WWC1: variants seen among roughly 807,000 people sequenced by gnomAD.
WWC1 encodes WW and C2 domain containing 1.
A neutral mutation model predicts 138.4 loss-of-function variants in WWC1; 55 were observed. The observed-to-expected ratio is 0.40, with a 90% CI of 0.32 to 0.50. WWC1 has a LOEUF of 0.50. Ranked by LOEUF, WWC1 falls within the 20% of genes least tolerant of loss-of-function variation. The pLI, the probability that WWC1 is intolerant of heterozygous loss-of-function variation, is 0.72. For missense variants in WWC1, 1,226 were observed against 1,420.4 expected, an observed-to-expected ratio of 0.86 and a Z score of 2.20; for synonymous variants, 524 against 564.9, an observed-to-expected ratio of 0.93 and a Z score of 1.03.
At chr5:168,394,451 G>T (rs1350573168) in intron 3 of WWC1, among the ~76,000 whole-genome samples, 1 of 152,176 alleles carries the variant, frequency 6.6e-6, no homozygotes, top group African/African-American at 2.4e-5. Flanking sequence ...GCGGGGCCGG[G>T]CGTGGTGGCT....
chr5:168,372,053 TTGTGTGTGTGTGTGTGTG>T lies in WWC1; in HGVS notation c.229+544_229+561del, dbSNP rs10595228. Reference sequence around the variant, plus strand: ...AGAGAGAGAGAGAGAAAGAGTGTGTTTGTGTGTGTGTGTGTGTGTGTGTGTGTGTGTGTGTGTGTGTCT... The same window carrying T: ...AGAGAGAGAGAGAGAAAGAGTGTGTTTGTGTGTGTGTGTGTGTGTGTGTCT... On this transcript the variant is annotated intron_variant, in intron 2 of 22. Coordinates refer to ENST00000265293, the MANE Select transcript of WWC1 (RefSeq NM_015238.3). 3.6e-3 allele frequency among the ~76,000 whole-genome samples: 510 copies of T among 141,362 alleles called. 5 individuals carry two copies. The highest frequency in any genetic ancestry group is 0.012 in the East Asian group (58 of 4,720). 92.7% of individuals were successfully genotyped at this position (141,362 alleles called of 152,430 possible). A position where few individuals can be genotyped will look rare whatever the true frequency, so the allele number is the denominator to read the frequency against.
Position 168,385,214 on chromosome 5 carries a change from C to T in WWC1, c.233C>T (p.Thr78Ile). Reference protein sequence around the residue: ...GDYFIDHNTKTTQIEDPRVQW... With the variant: ...GDYFIDHNTKITQIEDPRVQW... ...GAATCTCTGGGGTCTGTTCCAGAAA[C>T]CACTCAGATTGAGGATCCTCGAGTA... Residue 78 changes from threonine to isoleucine, a missense_variant, in exon 3 of 23, where the codon ACC (threonine) becomes ATC (isoleucine). Around this residue, in one of 3 missense-constraint regions of WWC1, gnomAD observed 1,016 missense variants for 1,153.9 expected, o/e 0.88. Transcript: ENST00000265293. The T allele has an allele frequency of 6.2e-7, 1 of 1,614,102 alleles. No homozygotes were observed. Among genetic ancestry groups the T allele is most frequent in the Non-Finnish European group, 8.5e-7 (1 of 1,179,982 alleles).
intron 1 of WWC1, among the ~76,000 whole-genome samples, chr5:168,312,561 T>C (rs1180070874): frequency 6.6e-6 from 1 of 152,238 alleles, no homozygotes; most frequent in Non-Finnish European, 1.5e-5. Context: ...ATAAATGCTT[T>C]AAAATGTTAA....
chr5:168,305,531 T>G (rs1369933973), intron 1 of WWC1, among the ~76,000 whole-genome samples: 1 of 152,190 alleles, frequency 6.6e-6, no homozygotes, highest in Non-Finnish European at 1.5e-5. Flanking sequence ...TAGAAGCACA[T>G]TAAGCCAGGG....
chr5:168,402,856 T>C (rs1779408893), intron 5 of WWC1, among the ~76,000 whole-genome samples: 1 of 152,114 alleles, frequency 6.6e-6, no homozygotes, highest in Admixed American at 6.5e-5. Flanking sequence ...AGGGATGCTA[T>C]CCAGTCACTT....
chr5:168,373,453 TGGGGG>T (rs1561673654), intron 2 of WWC1, among the ~76,000 whole-genome samples: 1 of 151,980 alleles, frequency 6.6e-6, no homozygotes, highest in African/African-American at 2.4e-5. Context: ...TGGTTGGATG[TGGGGG>T]ACCACCTCAG....
intron 16 of WWC1, 26 bp from the exon 17 acceptor site, chr5:168,444,468 T>C (rs1755054989): frequency 6.4e-7 from 1 of 1,552,130 alleles, no homozygotes; most frequent in Non-Finnish European, 8.7e-7. Flanking sequence ...TTGTACCCAA[T>C]GACCCAGCAA....
intron 10 of WWC1, 30 bp from the exon 11 acceptor site, chr5:168,423,503 C>T: frequency 1.9e-6 from 3 of 1,585,758 alleles, no homozygotes; most frequent in Non-Finnish European, 2.6e-6. Flanking sequence ...CTGTGTGCAT[C>T]TCACTGTCCT....
intron 20 of WWC1, 150 bp downstream of exon 20, chr5:168,460,892 A>G (rs1756746487): frequency 1.3e-6 from 1 of 775,094 alleles, no homozygotes; most frequent in Non-Finnish European, 2.1e-6. Flanking sequence ...TTGCGAACAG[A>G]TGTTTGTGAA....
At chr5:168,435,012 G>A (rs935738712) in intron 15 of WWC1, among the ~76,000 whole-genome samples, 4 of 152,224 alleles carry the variant, frequency 2.6e-5, no homozygotes, top group Middle Eastern at 3.4e-3. Flanking sequence ...AAAAAAAAAT[G>A]CACACAACCA....
At chr5:168,389,601 T>G (rs1215170511) in intron 3 of WWC1, among the ~76,000 whole-genome samples, 4 of 22,622 alleles carry the variant, frequency 1.8e-4, no homozygotes, top group South Asian at 2.3e-3. Flanking sequence ...ATTTTTGTTT[T>G]TTTTTTTTTT....
At chr5:168,455,668 A>C in intron 19 of WWC1, 148 bp downstream of exon 19, 1 of 980,562 alleles carries the variant, frequency 1.0e-6, no homozygotes, top group Non-Finnish European at 1.5e-6. Context: ...GGTGGAGTTC[A>C]CGGGCCTACT....
chr5:168,370,102 T>C (rs368148523), intron 1 of WWC1, among the ~76,000 whole-genome samples: 5 of 151,884 alleles, frequency 3.3e-5, no homozygotes, highest in African/African-American at 1.2e-4. Flanking sequence ...TTTCACCACA[T>C]TGAGCAGGCT....
chr5:168,458,091 C>T (rs1202202233), intron 19 of WWC1, among the ~76,000 whole-genome samples: 3 of 152,196 alleles, frequency 2.0e-5, no homozygotes, highest in Non-Finnish European at 4.4e-5. Flanking sequence ...TTGTTTCCCA[C>T]CAAGTCATAA....
At chr5:168,373,723 A>G (rs1195546070) in intron 2 of WWC1, among the ~76,000 whole-genome samples, 2 of 31,150 alleles carry the variant, frequency 6.4e-5, no homozygotes, top group South Asian at 2.8e-3. Flanking sequence ...GTCTCTTAAA[A>G]AAAAAAAAAA....
At chr5:168,316,411 G>A (rs1037981339) in intron 1 of WWC1, among the ~76,000 whole-genome samples, 3 of 152,142 alleles carry the variant, frequency 2.0e-5, no homozygotes, top group African/African-American at 7.2e-5. Context: ...CCTGGAAGCT[G>A]GCTCGCTTAT....
chr5:168,300,902 T>C (rs1770008315), intron 1 of WWC1, among the ~76,000 whole-genome samples: 2 of 152,212 alleles, frequency 1.3e-5, no homozygotes, highest in African/African-American at 4.8e-5. Flanking sequence ...GAGATGACCC[T>C]GGGACAGCCT....
chr5:168,439,608 C>T (rs949475407), intron 15 of WWC1, among the ~76,000 whole-genome samples: 41 of 145,940 alleles, frequency 2.8e-4, no homozygotes, highest in Non-Finnish European at 7.5e-5. Flanking sequence ...GCAGCCTCGG[C>T]AACAAGAGCA....
intron 5 of WWC1, among the ~76,000 whole-genome samples, chr5:168,400,709 G>A (rs1337820864): frequency 6.6e-6 from 1 of 152,148 alleles, no homozygotes; most frequent in African/African-American, 2.4e-5. Flanking sequence ...AGCACTTTGG[G>A]AGGCCAAGGT....
Sources: gnomAD v4.1 joint callset for allele counts (sites outside exome capture counted in the v4.1 genomes callset) on GRCh38, gnomAD v4.1.1 for gene constraint, gnomAD v4.1.1 regional missense constraint, MANE v1.5 for transcripts, NCBI Gene and HGNC (gene_info 2026-07-23, HGNC 2026-07-21) for gene names.